GYPC: variants seen among roughly 807,000 people sequenced by gnomAD.
The protein encoded by GYPC is glycophorin-C.
A neutral mutation model predicts 12.6 loss-of-function variants in GYPC; 14 were observed. The ratio of observed to expected loss-of-function variants is 1.11; its 90% CI spans 0.74 to 1.74. The LOEUF (loss-of-function observed/expected upper bound fraction) is 1.74. Among genes scored for constraint, GYPC ranks in the 40% most tolerant of loss-of-function variants. GYPC has a pLI of 0.00. For missense variants in GYPC, 225 were observed against 172.1 expected, an observed-to-expected ratio of 1.31 and a Z score of -1.72; for synonymous variants, 78 against 62.1, an observed-to-expected ratio of 1.26 and a Z score of -1.20.
intron 1 of GYPC, among the ~76,000 whole-genome samples, chr2:126,688,978 T>C (rs954169291): frequency 3.3e-5 from 5 of 152,296 alleles, no homozygotes; most frequent in African/African-American, 1.2e-4. Context: ...ATCCAATAAA[T>C]CCTTCTTCAC....
In GYPC at chr2:126,693,911, T is replaced by C. The variant is rs753718670; in HGVS notation, c.154T>C (p.Ser52Pro). ...ATGGCCGGATGGCAGAATGGAGACCTCCACCCCCACCATAATGGACATTGT... is the reference window on the plus strand; with the variant it reads ...ATGGCCGGATGGCAGAATGGAGACCCCCACCCCCACCATAATGGACATTGT... ...SGWPDGRMET[S>P]TPTIMDIVVI... Residue 52 changes from serine to proline, a missense_variant, in exon 3 of 4, where the codon TCC becomes CCC. Transcript: ENST00000259254. 5.0e-6 allele frequency: 8 copies of C among 1,612,202 alleles called. No individual in the cohort carries two copies. The Admixed American group carries it at 1.0e-4, about 20-fold the overall frequency.
At chr2:126,677,413 G>A (rs1416471374) in intron 1 of GYPC, among the ~76,000 whole-genome samples, 1 of 151,122 alleles carries the variant, frequency 6.6e-6, no homozygotes, top group African/African-American at 2.4e-5. Flanking sequence ...GAGTGTGTAA[G>A]TGTGTGAGAG....
chr2:126,679,140 G>A (rs749235512), intron 1 of GYPC, among the ~76,000 whole-genome samples: 2 of 152,228 alleles, frequency 1.3e-5, no homozygotes, highest in African/African-American at 2.4e-5. Flanking sequence ...GTAAAGATTA[G>A]CACGCAGCAT....
At chr2:126,668,583 T>C (rs531920445) in intron 1 of GYPC, among the ~76,000 whole-genome samples, 2 of 152,328 alleles carry the variant, frequency 1.3e-5, no homozygotes, top group South Asian at 4.1e-4. Context: ...ATTAGTTCCA[T>C]GAGAAAAATG....
chr2:126,695,434 C>T (rs1313012532), intron 3 of GYPC, among the ~76,000 whole-genome samples: 3 of 152,180 alleles, frequency 2.0e-5, no homozygotes, highest in Admixed American at 6.5e-5. Flanking sequence ...TGCCACCACA[C>T]AACAGGTTGG....
chr2:126,682,135 G>A (rs1275378348), intron 1 of GYPC, among the ~76,000 whole-genome samples: 3 of 152,214 alleles, frequency 2.0e-5, no homozygotes, highest in Non-Finnish European at 2.9e-5. Flanking sequence ...TGGGATACAC[G>A]GGCCTTCCTG....
chr2:126,666,732 C>T (rs1468903314), intron 1 of GYPC, among the ~76,000 whole-genome samples: 1 of 149,922 alleles, frequency 6.7e-6, no homozygotes, highest in Non-Finnish European at 1.5e-5. Flanking sequence ...CACACACACA[C>T]ACACACACAC....
At chr2:126,691,197 T>G (rs1683452320) in intron 2 of GYPC, among the ~76,000 whole-genome samples, 1 of 152,226 alleles carries the variant, frequency 6.6e-6, no homozygotes. Flanking sequence ...GGCCTCCAAA[T>G]AAACCTGCAT....
chr2:126,671,697 T>C (rs1682860835), intron 1 of GYPC, among the ~76,000 whole-genome samples: 1 of 152,186 alleles, frequency 6.6e-6, no homozygotes, highest in Non-Finnish European at 1.5e-5. Context: ...GCACCAGCTG[T>C]GTGTCAGGCC....
In GYPC at chr2:126,660,979, G is replaced by A. The variant is rs561217867; in HGVS notation, c.49+4667G>A. Reference sequence around the variant, plus strand: ...GTTTTCTTCAGATCCTTACATAATCGGAACTTCTGACAGAATGCTGGCTCC... The same window carrying A: ...GTTTTCTTCAGATCCTTACATAATCAGAACTTCTGACAGAATGCTGGCTCC... On this transcript the variant is annotated intron_variant, in intron 1 of 3. Coordinates refer to ENST00000259254, the MANE Select transcript of GYPC (RefSeq NM_002101.5). Among the ~76,000 whole-genome samples, 224 of 152,172 alleles carry A rather than the reference G, an allele frequency of 1.5e-3. 1 individual carries two copies. Among genetic ancestry groups the A allele is most frequent in the African/African-American group, 4.6e-3 (189 of 41,516 alleles).
At chr2:126,667,320 C>G (rs557354270) in intron 1 of GYPC, among the ~76,000 whole-genome samples, 9 of 152,284 alleles carry the variant, frequency 5.9e-5, no homozygotes, top group Non-Finnish European at 1.0e-4. Flanking sequence ...CCAATCATAC[C>G]CCAGCAGTTA....
chr2:126,696,641 T>G lies in GYPC; in HGVS notation c.*499T>G. 8.9e-6 allele frequency: 2 copies of G among 225,646 alleles called. No individual in the cohort carries two copies. The highest frequency in any genetic ancestry group is 2.3e-5 in the African/African-American group (1 of 43,908). 14.0% of individuals were successfully genotyped at this position (225,646 alleles called of 1,614,324 possible). A position where few individuals can be genotyped will look rare whatever the true frequency, so the allele number is the denominator to read the frequency against. ...CTGCCATTGATCCAGCTCAGAACGATTGGAAATAAATTTGAAATGTAACCG... is the reference window on the plus strand; with the variant it reads ...CTGCCATTGATCCAGCTCAGAACGAGTGGAAATAAATTTGAAATGTAACCG... On this transcript the variant is annotated 3_prime_UTR_variant, in exon 4 of 4. Transcript: ENST00000259254.
At chr2:126,682,323 C>G (rs1205615166) in intron 1 of GYPC, among the ~76,000 whole-genome samples, 1 of 152,182 alleles carries the variant, frequency 6.6e-6, no homozygotes, top group Non-Finnish European at 1.5e-5. Flanking sequence ...AACAACAAGG[C>G]CAAGGAGACT....
intron 1 of GYPC, among the ~76,000 whole-genome samples, chr2:126,659,878 C>T (rs537188722): frequency 1.3e-5 from 2 of 151,826 alleles, no homozygotes; most frequent in South Asian, 4.2e-4. Context: ...ACCTCCTCCA[C>T]CTCCTGCGTT....
At chr2:126,689,532 G>A (rs888488013) in intron 1 of GYPC, among the ~76,000 whole-genome samples, 6 of 150,654 alleles carry the variant, frequency 4.0e-5, no homozygotes, top group African/African-American at 1.5e-4. Context: ...TTGAGTCACA[G>A]GGGCAGATCC....
At chr2:126,695,559 C>T (rs1683616663) in intron 3 of GYPC, among the ~76,000 whole-genome samples, 1 of 152,160 alleles carries the variant, frequency 6.6e-6, no homozygotes, top group South Asian at 2.1e-4. Flanking sequence ...CAAAAGCATT[C>T]AGTAGAAACG....
intron 2 of GYPC, among the ~76,000 whole-genome samples, chr2:126,692,278 A>G (rs1683493874): frequency 6.6e-6 from 1 of 151,114 alleles, no homozygotes; most frequent in Non-Finnish European, 1.5e-5. Context: ...CTTCTTCCCC[A>G]CCTCCAAGCT....
In GYPC at chr2:126,678,035, C is replaced by A. The variant is rs531427701; in HGVS notation, c.50-12220C>A. Among the ~76,000 whole-genome samples, 37 of 152,316 alleles carry A rather than the reference C, an allele frequency of 2.4e-4. No homozygotes were observed. In the South Asian group the frequency reaches 3.9e-3, roughly 16 times the overall value. ...AGGAGATCAAGACCATCCTGGCTAA[C>A]ACGGTGAAACCCCTTCTCTACTAAA... On this transcript the variant is annotated intron_variant, in intron 1 of 3. Coordinates refer to ENST00000259254, the MANE Select transcript of GYPC (RefSeq NM_002101.5).
At chr2:126,662,389 C>T (rs1682557722) in intron 1 of GYPC, among the ~76,000 whole-genome samples, 1 of 152,144 alleles carries the variant, frequency 6.6e-6, no homozygotes, top group African/African-American at 2.4e-5. Flanking sequence ...AGTTCAGGTT[C>T]CCCTTCTGTA....
Sources: allele counts gnomAD v4.1 joint callset (sites outside exome capture counted in the v4.1 genomes callset), GRCh38; gene constraint gnomAD v4.1.1; transcripts MANE v1.5; gene names NCBI Gene and HGNC (gene_info 2026-07-23, HGNC 2026-07-21).